Variants in OSBPL9 observed in about 807,000 individuals in gnomAD.
OSBPL9 encodes oxysterol-binding protein-related protein 9.
In OSBPL9, 40 loss-of-function variants were observed where a neutral mutation model predicts 106.6. The ratio of observed to expected loss-of-function variants is 0.38; its 90% CI spans 0.29 to 0.49. The LOEUF is 0.49. OSBPL9 is among the 20% of genes least tolerant of loss of function. The pLI is 0.97. For missense variants in OSBPL9, 609 were observed against 887.2 expected, an observed-to-expected ratio of 0.69 and a Z score of 3.98; for synonymous variants, 269 against 295.4, an observed-to-expected ratio of 0.91 and a Z score of 0.92.
chr1:51,763,101 G>A (rs1183531898), intron 11 of OSBPL9, among the ~76,000 whole-genome samples: 1 of 152,148 alleles, frequency 6.6e-6, no homozygotes, highest in African/African-American at 2.4e-5. Flanking sequence ...CACTTCCTGG[G>A]TTGAGGTGAT....
the OSBPL9 span, among the ~76,000 whole-genome samples, chr1:51,553,925 C>T: frequency 2.6e-5 from 4 of 152,260 alleles, no homozygotes; most frequent in Non-Finnish European, 5.9e-5. Context: ...GTGATCCACC[C>T]GCCTCAGCCT....
the OSBPL9 span, among the ~76,000 whole-genome samples, chr1:51,529,940 G>T: frequency 1.2e-4 from 18 of 151,690 alleles, no homozygotes; most frequent in Admixed American, 1.1e-3. Flanking sequence ...GGGAGGTGGA[G>T]GTGGGTGAAT....
chr1:51,544,589 G>A, the OSBPL9 span, among the ~76,000 whole-genome samples: 1 of 151,882 alleles, frequency 6.6e-6, no homozygotes, highest in Non-Finnish European at 1.5e-5. Context: ...CCATGGGTGT[G>A]AGTCTGAAGT....
chr1:51,732,231 G>A (rs1184936538), intron 4 of OSBPL9, among the ~76,000 whole-genome samples: 3 of 152,156 alleles, frequency 2.0e-5, no homozygotes, highest in African/African-American at 4.8e-5. Context: ...GAAAGGGGAC[G>A]ATGACAAGAA....
chr1:51,763,180 A>T (rs1428990265), intron 11 of OSBPL9, among the ~76,000 whole-genome samples: 2 of 151,864 alleles, frequency 1.3e-5, no homozygotes, highest in Admixed American at 1.3e-4. Flanking sequence ...AAATTTTTGT[A>T]TTTTTAGTAG....
chr1:51,561,740 C>T, the OSBPL9 span: 1 of 152,262 alleles, frequency 6.6e-6, no homozygotes, highest in East Asian at 1.9e-4. Flanking sequence ...ATTAGGAAGA[C>T]TATGACTGCC....
the OSBPL9 span, among the ~76,000 whole-genome samples, chr1:51,531,318 T>C: frequency 6.6e-6 from 1 of 152,112 alleles, no homozygotes; most frequent in Non-Finnish European, 1.5e-5. Context: ...AAAAATATTA[T>C]TTGGACTATT....
At chr1:51,649,441 C>G (rs1003992502) in intron 1 of OSBPL9, among the ~76,000 whole-genome samples, 5 of 152,144 alleles carry the variant, frequency 3.3e-5, no homozygotes, top group African/African-American at 1.2e-4. Flanking sequence ...CCTGTCTGCA[C>G]CCTGTGCTCT....
At chr1:51,713,897 A>C (rs972918345) in intron 3 of OSBPL9, 106 bp from the exon 4 acceptor site, 14 of 901,516 alleles carry the variant, frequency 1.6e-5, no homozygotes, top group Admixed American at 1.4e-4. Context: ...TGGTACAACT[A>C]AAAACCTTTT....
intron 1 of OSBPL9, among the ~76,000 whole-genome samples, chr1:51,621,746 C>T (rs1644452410): frequency 6.6e-6 from 1 of 151,996 alleles, no homozygotes; most frequent in Non-Finnish European, 1.5e-5. Flanking sequence ...TTTTCTTGGC[C>T]ATTTATTTGT....
At chr1:51,739,763 A>G (rs1452546561) in intron 4 of OSBPL9, among the ~76,000 whole-genome samples, 1 of 152,012 alleles carries the variant, frequency 6.6e-6, no homozygotes, top group Non-Finnish European at 1.5e-5. Flanking sequence ...TGGATAAACC[A>G]CGGGGACAGT....
At chr1:51,695,530 G>A (rs550838016) in intron 3 of OSBPL9, among the ~76,000 whole-genome samples, 12 of 152,194 alleles carry the variant, frequency 7.9e-5, no homozygotes, top group South Asian at 6.2e-4. Flanking sequence ...AGTTTCTGTC[G>A]TTCATTCTTT....
upstream of OSBPL9, among the ~76,000 whole-genome samples, chr1:51,614,771 C>T (rs1222438937): frequency 6.6e-6 from 1 of 152,154 alleles, no homozygotes; most frequent in Non-Finnish European, 1.5e-5. Context: ...TCACTTAATC[C>T]TTGAAACAAC....
At chr1:51,684,910 C>CTTTTT (rs756783433) in intron 3 of OSBPL9, among the ~76,000 whole-genome samples, 6 of 140,574 alleles carry the variant, frequency 4.3e-5, no homozygotes, top group African/African-American at 8.2e-5. Context: ...CACTGCTCTT[C>CTTTTT]TTCTTTTTTT....
At chr1:51,617,479 G>A (rs989130020) in intron 1 of OSBPL9, among the ~76,000 whole-genome samples, 1 of 152,172 alleles carries the variant, frequency 6.6e-6, no homozygotes, top group East Asian at 1.9e-4. Flanking sequence ...CTTAGGGTCC[G>A]CTATTAAGCG....
intron 3 of OSBPL9, chr1:51,709,206 A>T (rs1659281171): frequency 5.3e-6 from 1 of 189,804 alleles, no homozygotes; most frequent in Admixed American, 5.4e-5. Context: ...GATTGTGGCG[A>T]CACCGTACAA....
intron 16 of OSBPL9, 134 bp from the exon 17 acceptor site, chr1:51,782,422 AGTT>A (rs1676596543): frequency 1.2e-5 from 7 of 597,322 alleles, no homozygotes; most frequent in Non-Finnish European, 2.0e-5. Context: ...AAAATATTGT[AGTT>A]AAGTTCTACA....
chr1:51,616,003 G>GTTTTTTTT (rs764823727), upstream of OSBPL9, among the ~76,000 whole-genome samples: 21 of 104,496 alleles, frequency 2.0e-4, no homozygotes, highest in African/African-American at 2.5e-4. Flanking sequence ...AAATCCTTTG[G>GTTTTTTTT]TTTTTTTTTT....
chr1:51,769,822 G>GA (rs957566487), intron 12 of OSBPL9, among the ~76,000 whole-genome samples: 1 of 151,926 alleles, frequency 6.6e-6, no homozygotes, highest in African/African-American at 2.4e-5. Flanking sequence ...TGGGTAAGGA[G>GA]AAAAAACACA....
Sources: gnomAD v4.1 joint callset for allele counts (sites outside exome capture counted in the v4.1 genomes callset) on GRCh38, gnomAD v4.1.1 for gene constraint, MANE v1.5 for transcripts, NCBI Gene and HGNC (gene_info 2026-07-23, HGNC 2026-07-21) for gene names.